The following BEND7 variants were observed in gnomAD, a reference collection of about 807,000 sequenced individuals.
The protein encoded by BEND7 is BEN domain containing 7, also known as BEN domain-containing protein 7.
A neutral mutation model predicts 50.9 loss-of-function variants in BEND7; 28 were observed. The observed-to-expected ratio is 0.55, with a 90% CI of 0.41 to 0.75. BEND7 has a LOEUF of 0.75. Ranked by LOEUF, BEND7 falls within the 30% of genes least tolerant of loss-of-function variation. The pLI, the probability that BEND7 is intolerant of heterozygous loss-of-function variation, is 0.00. For synonymous variants in BEND7, 170 were observed against 183.9 expected (o/e 0.92, Z 0.61); for missense variants, 477 against 491.3 (o/e 0.97, Z 0.28).
intron 5 of BEND7, among the ~76,000 whole-genome samples, chr10:13,485,573 C>A (rs1178234961): frequency 6.6e-6 from 1 of 152,162 alleles, no homozygotes; most frequent in Non-Finnish European, 1.5e-5. Context: ...TGATTTGGGG[C>A]TGAAAAGCCT....
At chr10:13,452,706 T>G (rs1455812291) in intron 6 of BEND7, 48 bp from the exon 7 acceptor site, 1 of 1,499,494 alleles carries the variant, frequency 6.7e-7, no homozygotes, top group Non-Finnish European at 9.0e-7. Context: ...AAGTAAAATA[T>G]GCAGATCTGA....
At chr10:13,448,395 G>A (rs1480742117) in intron 7 of BEND7, among the ~76,000 whole-genome samples, 7 of 152,202 alleles carry the variant, frequency 4.6e-5, no homozygotes, top group East Asian at 1.9e-4. Flanking sequence ...CATAATGTGC[G>A]TGGGCAGCCC....
At chr10:13,438,805 C>T (rs551438838), downstream of BEND7, 9 of 212,868 alleles carry the variant, frequency 4.2e-5, no homozygotes, top group South Asian at 7.6e-4. Flanking sequence ...GAAAGGAGAG[C>T]GCTGTAAAAG....
At chr10:13,483,228 G>A (rs2075991695) in intron 5 of BEND7, among the ~76,000 whole-genome samples, 1 of 152,110 alleles carries the variant, frequency 6.6e-6, no homozygotes, top group Non-Finnish European at 1.5e-5. Flanking sequence ...GCTGACCTCT[G>A]AGACTTCCCC....
rs1019477187 is a variant in BEND7 at position 13,528,835 on chromosome 10, AG to A, written c.-303del. On this transcript the variant is annotated 5_prime_UTR_variant, in exon 1 of 9. Coordinates refer to ENST00000466271, the MANE Select transcript of BEND7 (RefSeq NM_001369863.1). ...CCGCTCATGCCGGCCCGCGGGTTCC[AG>A]ACGCCGCCCGCCGCAGCCCAACTTT... 2.1e-5 allele frequency: 3 copies of A among 142,180 alleles called. No homozygotes were observed. Among genetic ancestry groups the A allele is most frequent in the Non-Finnish European group, 4.6e-5 (3 of 64,608 alleles). 8.8% of individuals were successfully genotyped at this position (142,180 alleles called of 1,614,324 possible).
At chr10:13,473,583 T>C (rs2075125037) in intron 6 of BEND7, among the ~76,000 whole-genome samples, 1 of 142,272 alleles carries the variant, frequency 7.0e-6, no homozygotes, top group Non-Finnish European at 1.5e-5. Flanking sequence ...TTGTCATCGC[T>C]GTTAGACTCG....
intron 2 of BEND7, among the ~76,000 whole-genome samples, chr10:13,517,574 G>A (rs1232087254): frequency 1.3e-5 from 2 of 152,144 alleles, no homozygotes; most frequent in African/African-American, 4.8e-5. Flanking sequence ...GCAACAGAGG[G>A]AGACGCTGTC....
downstream of BEND7, among the ~76,000 whole-genome samples, chr10:13,440,142 C>T (rs1008506463): frequency 3.9e-5 from 6 of 152,076 alleles, no homozygotes; most frequent in African/African-American, 7.2e-5. Flanking sequence ...CCTCCTGTGG[C>T]GAAATGGGGT....
chr10:13,505,971 CG>C (rs764826927), intron 2 of BEND7, among the ~76,000 whole-genome samples: 1 of 152,100 alleles, frequency 6.6e-6, no homozygotes, highest in Non-Finnish European at 1.5e-5. Flanking sequence ...AGACTGAAAA[CG>C]TATCAGAAAT....
downstream of BEND7, chr10:13,439,173 C>A: frequency 6.2e-7 from 1 of 1,605,964 alleles, no homozygotes. Flanking sequence ...AAGATAATTT[C>A]AGAGAGAGAG....
At chr10:13,451,101 T>C (rs544721376) in intron 7 of BEND7, among the ~76,000 whole-genome samples, 1 of 152,194 alleles carries the variant, frequency 6.6e-6, no homozygotes, top group South Asian at 2.1e-4. Flanking sequence ...GCAGAACATT[T>C]ACACTGTGTT....
intron 2 of BEND7, among the ~76,000 whole-genome samples, chr10:13,506,221 C>G (rs952934011): frequency 6.6e-6 from 1 of 152,174 alleles, no homozygotes; most frequent in Non-Finnish European, 1.5e-5. Flanking sequence ...ATGGCACGCT[C>G]TGCTTCCTTG....
At chr10:13,473,298 G>A (rs1177920032) in intron 6 of BEND7, among the ~76,000 whole-genome samples, 3 of 145,930 alleles carry the variant, frequency 2.1e-5, no homozygotes, top group African/African-American at 7.7e-5. Flanking sequence ...CTTGGGGCTG[G>A]TATCCGTCAT....
intron 8 of BEND7, chr10:13,443,462 A>C (rs1183671927): frequency 6.5e-6 from 1 of 152,710 alleles, no homozygotes; most frequent in African/African-American, 2.4e-5. Flanking sequence ...AGAGTTGTAC[A>C]TGGTTCTGTG....
downstream of BEND7, chr10:13,441,086 C>A (rs76414517): frequency 2.0e-6 from 2 of 985,054 alleles, no homozygotes; most frequent in South Asian, 4.7e-5. Context: ...TCCGCACGCA[C>A]GTTCAATTAA....
Position 13,465,308 on chromosome 10 carries a change from G to A in BEND7, c.1064-12650C>T, listed in dbSNP as rs369418568. On this transcript the variant is annotated intron_variant, in intron 6 of 8. Transcript: ENST00000466271. ...TTCATCAACTAATGCACCTAAAAAT[G>A]ATGCCTTTAAATTAAGGAAATAAAG... 1.4e-4 allele frequency among the ~76,000 whole-genome samples: 21 copies of A among 152,338 alleles called. 1 individual carries two copies. The South Asian group carries it at 4.4e-3, about 32-fold the overall frequency.
intron 7 of BEND7, among the ~76,000 whole-genome samples, chr10:13,447,797 A>T (rs1011333430): frequency 2.0e-5 from 3 of 152,116 alleles, no homozygotes; most frequent in African/African-American, 4.8e-5. Context: ...AAAACTTTTT[A>T]AAATCTTATG....
chr10:13,473,333 C>A (rs1349779304), intron 6 of BEND7, among the ~76,000 whole-genome samples: 1 of 151,240 alleles, frequency 6.6e-6, no homozygotes, highest in African/African-American at 2.4e-5. Flanking sequence ...GGGATGGTAT[C>A]CGTCATCGCT....
intron 2 of BEND7, among the ~76,000 whole-genome samples, chr10:13,518,810 T>C (rs1361978237): frequency 6.6e-6 from 1 of 152,240 alleles, no homozygotes; most frequent in Admixed American, 6.5e-5. Flanking sequence ...CAGTATACTT[T>C]ACAATAAATC....
Sources: gnomAD v4.1 joint callset for allele counts (sites outside exome capture counted in the v4.1 genomes callset) on GRCh38, gnomAD v4.1.1 for gene constraint, MANE v1.5 for transcripts, NCBI Gene and HGNC (gene_info 2026-07-23, HGNC 2026-07-21) for gene names.